The following IRF8 variants were observed in gnomAD, a reference collection of about 807,000 sequenced individuals.
IRF8 encodes interferon regulatory factor 8.
In IRF8, 14 loss-of-function variants were observed where a neutral mutation model predicts 48.7. The observed-to-expected ratio is 0.29, with a 90% CI of 0.19 to 0.45. IRF8 has a LOEUF of 0.45. Among genes scored for constraint, IRF8 ranks in the 20% least tolerant of loss-of-function variants. The pLI, the probability that IRF8 is intolerant of heterozygous loss-of-function variation, is 1.00. For missense variants in IRF8, 493 were observed against 580.7 expected, an observed-to-expected ratio of 0.85 and a Z score of 1.55; for synonymous variants, 278 against 227.3, an observed-to-expected ratio of 1.22 and a Z score of -2.01.
At chr16:85,919,170 A>T (rs925535925) in intron 7 of IRF8, among the ~76,000 whole-genome samples, 12 of 152,126 alleles carry the variant, frequency 7.9e-5, no homozygotes, top group African/African-American at 2.9e-4. Flanking sequence ...CAGCCACAAG[A>T]TCCGAACCTG....
chr16:85,918,080 G>A (rs937848509), intron 6 of IRF8, among the ~76,000 whole-genome samples: 1 of 152,204 alleles, frequency 6.6e-6, no homozygotes, highest in Admixed American at 6.5e-5. Context: ...TAAGAAATGA[G>A]TTGTCGAAAC....
intron 2 of IRF8, among the ~76,000 whole-genome samples, chr16:85,904,841 C>T (rs932051783): frequency 8.1e-5 from 6 of 73,632 alleles, no homozygotes; most frequent in South Asian, 3.4e-4. Flanking sequence ...TTGCCTTTGG[C>T]ATCATGGTGA....
intron 1 of IRF8, among the ~76,000 whole-genome samples, chr16:85,899,579 A>G: frequency 6.6e-6 from 1 of 152,214 alleles, no homozygotes; most frequent in East Asian, 1.9e-4. Context: ...TCCCACTGAA[A>G]TTCTACCACG....
chr16:85,911,572 A>C lies in IRF8; in HGVS notation c.361A>C (p.Lys121Gln). ...RIVPEEEQKC[K>Q]LGVATAGCVN... ...GGTGTTTGTCTGGTTTTCTGTAGGC[A>C]AACTAGGCGTGGCAACTGCTGGCTG... is the stretch of plus-strand genomic sequence containing the variant. The change falls in exon 4 of 9, where the codon AAA becomes CAA. Residue 121 changes from lysine to glutamine, a missense_variant and splice_region_variant. By Grantham distance (53) the Lys-to-Gln change is moderately conservative (BLOSUM62 1). Coordinates refer to ENST00000268638, the MANE Select transcript of IRF8 (RefSeq NM_002163.4). 4 of 1,613,984 alleles carry C rather than the reference A, an allele frequency of 2.5e-6. No individual in the cohort carries two copies. Among genetic ancestry groups the C allele is most frequent in the Non-Finnish European group, 3.4e-6 (4 of 1,179,868 alleles).
chr16:85,911,354 A>G (rs1905136045), intron 3 of IRF8, among the ~76,000 whole-genome samples: 1 of 152,034 alleles, frequency 6.6e-6, no homozygotes, highest in African/African-American at 2.4e-5. Flanking sequence ...AGCAGAAACA[A>G]CCACCACCAC....
Position 85,921,348 on chromosome 16 carries a change from A to G in IRF8, c.*66A>G. 3 of 1,522,254 alleles carry G rather than the reference A, an allele frequency of 2.0e-6. No homozygotes were observed. Among genetic ancestry groups the G allele is most frequent in the Non-Finnish European group, 1.8e-6 (2 of 1,104,914 alleles). 94.3% of individuals were successfully genotyped at this position (1,522,254 alleles called of 1,614,324 possible). A position where few individuals can be genotyped will look rare whatever the true frequency, so the allele number is the denominator to read the frequency against. The stretch of plus-strand genomic sequence containing the variant: ...CCATCTCCCTGTTACAGTGGCCCGC[A>G]TCATGATTAAAGAATGTGGATCCCT... On this transcript the variant is annotated 3_prime_UTR_variant, in exon 9 of 9. Coordinates refer to ENST00000268638, the MANE Select transcript of IRF8 (RefSeq NM_002163.4).
intron 2 of IRF8, among the ~76,000 whole-genome samples, chr16:85,906,149 C>T (rs1035997306): frequency 2.0e-5 from 3 of 152,124 alleles, no homozygotes; most frequent in Non-Finnish European, 4.4e-5. Flanking sequence ...CTTAGTAGCA[C>T]AGATATTTCT....
In IRF8 at chr16:85,913,121, G is replaced by C. The variant is rs1308696315; in HGVS notation, c.448-10G>C. ...TGAGCTGCCCTCCTCTCCCTCCCCTGACTGTGCAGCCTTCTGTGGACGATT... is the reference window on the plus strand; with the variant it reads ...TGAGCTGCCCTCCTCTCCCTCCCCTCACTGTGCAGCCTTCTGTGGACGATT... On this transcript the variant is annotated splice_polypyrimidine_tract_variant and intron_variant, in intron 4 of 8. Transcript: ENST00000268638. The C allele has an allele frequency of 1.2e-6, 2 of 1,609,688 alleles. No individual in the cohort carries two copies. Among genetic ancestry groups the C allele is most frequent in the South Asian group, 2.2e-5 (2 of 90,990 alleles).
intron 5 of IRF8, 197 bp downstream of exon 5, chr16:85,913,433 T>C (rs1335348172): frequency 5.0e-6 from 3 of 602,550 alleles, no homozygotes; most frequent in South Asian, 1.9e-5. Context: ...CCTTTGGCCC[T>C]GCTCTCCGCT....
chr16:85,906,849 A>G (rs1052516722), intron 2 of IRF8, among the ~76,000 whole-genome samples: 1 of 152,060 alleles, frequency 6.6e-6, no homozygotes, highest in Non-Finnish European at 1.5e-5. Context: ...GGTCAAGGCT[A>G]GGGATGCCGC....
chr16:85,921,254 T>A lies in IRF8; in HGVS notation c.1253T>A (p.Phe418Tyr). 1.2e-6 allele frequency: 2 copies of A among 1,614,170 alleles called. No individual in the cohort carries two copies. Among genetic ancestry groups the A allele is most frequent in the Middle Eastern group, 1.6e-4 (1 of 6,062 alleles). Residue 418 changes from phenylalanine (F) to tyrosine (Y), a missense_variant, in exon 9 of 9, where the codon TTC becomes TAC. By Grantham distance (22) the Phe-to-Tyr change is conservative (BLOSUM62 3). Transcript: ENST00000268638. ...TGTGCCTCACACCAGAGATCATTTT[T>A]CAGAGAAAACCAACAGATCACCGTC... Reference protein sequence around the residue: ...DICASHQRSFFRENQQITV With the variant: ...DICASHQRSFYRENQQITV
chr16:85,915,037 G>A (rs1905258616), intron 6 of IRF8, among the ~76,000 whole-genome samples: 1 of 152,246 alleles, frequency 6.6e-6, no homozygotes, highest in African/African-American at 2.4e-5. Context: ...GTGGAGTGGT[G>A]GAGCCTCTCA....
chr16:85,918,240 T>C, intron 6 of IRF8, 177 bp from the exon 7 acceptor site: 2 of 659,260 alleles, frequency 3.0e-6, no homozygotes, highest in South Asian at 4.0e-5. Context: ...TGTGTATTTA[T>C]TCATGCATAT....
intron 2 of IRF8, among the ~76,000 whole-genome samples, chr16:85,906,363 C>G (rs1318381027): frequency 2.0e-5 from 3 of 152,170 alleles, no homozygotes; most frequent in African/African-American, 7.2e-5. Flanking sequence ...GCCCTGAAAT[C>G]ACTCTCATGT....
intron 1 of IRF8, among the ~76,000 whole-genome samples, chr16:85,899,600 C>G (rs1597247384): frequency 1.3e-5 from 2 of 152,146 alleles, no homozygotes; most frequent in Admixed American, 6.5e-5. Context: ...TGGAATAATG[C>G]TTGGAGGGTC....
chr16:85,908,716 T>C (rs1905067646), intron 2 of IRF8, among the ~76,000 whole-genome samples: 2 of 152,160 alleles, frequency 1.3e-5, no homozygotes, highest in Non-Finnish European at 2.9e-5. Context: ...CACTCCAGGG[T>C]TGGAGGAGCC....
Position 85,921,402 on chromosome 16 carries a change from A to G in IRF8, c.*120A>G, listed in dbSNP as rs1258701108. 2.8e-6 allele frequency: 3 copies of G among 1,071,372 alleles called. No homozygotes were observed. Among genetic ancestry groups the G allele is most frequent in the Non-Finnish European group, 1.4e-6 (1 of 702,980 alleles). 66.4% of individuals were successfully genotyped at this position (1,071,372 alleles called of 1,614,324 possible). A position where few individuals can be genotyped will look rare whatever the true frequency, so the allele number is the denominator to read the frequency against. ...TCTGGGGTGGGATGCCTTACTTTGC[A>G]CTTAATTTAATAAGGGCATTCTCGG... On this transcript the variant is annotated 3_prime_UTR_variant, in exon 9 of 9. Coordinates refer to ENST00000268638, the MANE Select transcript of IRF8 (RefSeq NM_002163.4).
Position 85,911,647 on chromosome 16 carries a change from C to T in IRF8, c.436C>T (p.Leu146=). 6.2e-7 allele frequency: 1 copy of T among 1,613,646 alleles called. No individual in the cohort carries two copies. ...GTGCGGTCGCTCTGAAATCGACGAG[C>T]TGATCAAGGAGGTAAGCAGAGGCAG... is the stretch of plus-strand genomic sequence containing the variant. ...MECGRSEIDE[L]IKEPSVDDYM... The change falls in exon 4 of 9, where the codon CTG becomes TTG. Residue 146 remains leucine, a synonymous_variant. Coordinates refer to ENST00000268638, the MANE Select transcript of IRF8 (RefSeq NM_002163.4).
chr16:85,901,735 C>T (rs561851037), intron 1 of IRF8, among the ~76,000 whole-genome samples: 14 of 152,262 alleles, frequency 9.2e-5, no homozygotes, highest in African/African-American at 1.9e-4. Context: ...CCCTGTTTCC[C>T]GTCTCATGGC....
Sources: allele counts gnomAD v4.1 joint callset (sites outside exome capture counted in the v4.1 genomes callset), GRCh38; gene constraint gnomAD v4.1.1; transcripts MANE v1.5; gene names NCBI Gene and HGNC (gene_info 2026-07-23, HGNC 2026-07-21).